The following CTNNA3 variants were observed in gnomAD, a reference collection of about 807,000 sequenced individuals.
The protein encoded by CTNNA3 is catenin alpha-3.
In CTNNA3, 76 loss-of-function variants were observed where a neutral mutation model predicts 95.7. The ratio of observed to expected loss-of-function variants is 0.79; its 90% CI spans 0.66 to 0.96. The LOEUF is 0.96. Among genes scored for constraint, CTNNA3 ranks in the 40% least tolerant of loss-of-function variants. CTNNA3 has a pLI of 0.00. For missense variants in CTNNA3, 1,191 were observed against 1,089.8 expected (o/e 1.09, Z -1.31); for synonymous variants, 431 against 374.4 (o/e 1.15, Z -1.74).
intron 7 of CTNNA3, among the ~76,000 whole-genome samples, chr10:67,001,111 G>T (rs1851658517): frequency 6.6e-6 from 1 of 151,666 alleles, no homozygotes; most frequent in African/African-American, 2.4e-5. Context: ...GACCATCCTG[G>T]CCAACATGAT....
At chr10:67,392,665 A>G (rs1269866162) in intron 5 of CTNNA3, among the ~76,000 whole-genome samples, 2 of 152,234 alleles carry the variant, frequency 1.3e-5, no homozygotes, top group Non-Finnish European at 2.9e-5. Context: ...CCAAATGTCC[A>G]TCAATGATAG....
intron 12 of CTNNA3, among the ~76,000 whole-genome samples, chr10:66,358,185 T>G (rs10740240): frequency 0.89 from 136,066 of 152,154 alleles, 61,221 homozygotes; most frequent in East Asian, 1. Context: ...AAAGTGGACT[T>G]CATTTTCAAA....
At chr10:65,976,972 T>C (rs1397448073) in intron 16 of CTNNA3, among the ~76,000 whole-genome samples, 2 of 152,172 alleles carry the variant, frequency 1.3e-5, no homozygotes, top group Non-Finnish European at 2.9e-5. Context: ...TCCTTAAATA[T>C]GTACAATTTT....
intron 10 of CTNNA3, among the ~76,000 whole-genome samples, chr10:66,557,422 CTGATA>C (rs1842425068): frequency 6.6e-6 from 1 of 152,094 alleles, no homozygotes; most frequent in African/African-American, 2.4e-5. Context: ...CATACATGCT[CTGATA>C]TGATAACACA....
At chr10:66,685,303 A>C (rs1847234733) in intron 9 of CTNNA3, among the ~76,000 whole-genome samples, 1 of 78,282 alleles carries the variant, frequency 1.3e-5, no homozygotes, top group African/African-American at 7.0e-5. Context: ...ATGTGTGTAT[A>C]TATATGTGTG....
At chr10:66,957,115 T>C (rs1273186691) in intron 7 of CTNNA3, among the ~76,000 whole-genome samples, 1 of 152,098 alleles carries the variant, frequency 6.6e-6, no homozygotes, top group Non-Finnish European at 1.5e-5. Flanking sequence ...CATCTCCTGA[T>C]GGGAAATAGA....
intron 9 of CTNNA3, among the ~76,000 whole-genome samples, chr10:66,757,531 T>C (rs960342219): frequency 2.6e-5 from 4 of 152,166 alleles, no homozygotes; most frequent in Non-Finnish European, 5.9e-5. Context: ...GCTAAGCAGT[T>C]ACTTAAGAGT....
intron 11 of CTNNA3, among the ~76,000 whole-genome samples, chr10:66,477,062 T>G (rs920020750): frequency 6.6e-6 from 1 of 152,174 alleles, no homozygotes; most frequent in Non-Finnish European, 1.5e-5. Context: ...GATAACTTTT[T>G]GTTGATTTTA....
At chr10:65,979,086 A>G in intron 16 of CTNNA3, among the ~76,000 whole-genome samples, 1 of 152,150 alleles carries the variant, frequency 6.6e-6, no homozygotes, top group East Asian at 1.9e-4. Flanking sequence ...TTTTACCAGA[A>G]GTTATATATG....
At chr10:66,636,752 A>T (rs1029888027) in intron 9 of CTNNA3, among the ~76,000 whole-genome samples, 1 of 152,302 alleles carries the variant, frequency 6.6e-6, no homozygotes, top group East Asian at 1.9e-4. Context: ...ACAAATATTT[A>T]TTATCTATCA....
chr10:66,226,367 C>T (rs1042185451), intron 13 of CTNNA3, among the ~76,000 whole-genome samples: 9 of 151,978 alleles, frequency 5.9e-5, no homozygotes, highest in East Asian at 1.9e-4. Context: ...GCTATACATA[C>T]GTGGATTTAT....
intron 13 of CTNNA3, among the ~76,000 whole-genome samples, chr10:66,104,846 A>G (rs7070570): frequency 0.26 from 40,129 of 152,138 alleles, 5,300 homozygotes; most frequent in East Asian, 0.31. Context: ...ACACACAGAC[A>G]TTCTGTTTAT....
chr10:66,144,831 G>A lies in CTNNA3; in HGVS notation c.1885-41582C>T, dbSNP rs2083798782. ...TAGGCAGGCATTAATGTCAGTTAAT[G>A]CTATATAAAATGACATATATGGAGA... is the stretch of plus-strand genomic sequence containing the variant. On this transcript the variant is annotated intron_variant, in intron 13 of 17. Transcript: ENST00000433211. 2.6e-5 allele frequency among the ~76,000 whole-genome samples: 4 copies of A among 152,058 alleles called. No individual in the cohort carries two copies. The South Asian group carries it at 8.3e-4, about 32-fold the overall frequency.
At chr10:67,333,158 A>C (rs188713814) in intron 5 of CTNNA3, among the ~76,000 whole-genome samples, 1 of 152,302 alleles carries the variant, frequency 6.6e-6, no homozygotes, top group East Asian at 1.9e-4. Flanking sequence ...TCAAGTATTC[A>C]TGGAATTAAA....
Position 67,272,628 on chromosome 10 carries a change from G to T in CTNNA3, c.580-52758C>A, listed in dbSNP as rs569297500. Reference sequence around the variant, plus strand: ...AAAGTTAATACTTTATTAATTCATTGTTGTGGAAACCAAACCATTTTAGCA... The same window carrying T: ...AAAGTTAATACTTTATTAATTCATTTTTGTGGAAACCAAACCATTTTAGCA... On this transcript the variant is annotated intron_variant, in intron 5 of 17. Coordinates refer to ENST00000433211, the MANE Select transcript of CTNNA3 (RefSeq NM_013266.4). 2.6e-4 allele frequency among the ~76,000 whole-genome samples: 39 copies of T among 152,248 alleles called. No homozygotes were observed. The South Asian group carries it at 8.1e-3, about 32-fold the overall frequency.
intron 11 of CTNNA3, among the ~76,000 whole-genome samples, chr10:66,401,518 A>ACAC (rs2093020795): frequency 6.9e-6 from 1 of 143,912 alleles, no homozygotes; most frequent in Non-Finnish European, 1.5e-5. Flanking sequence ...TGTGTCTCAA[A>ACAC]ACACACACAC....
intron 10 of CTNNA3, among the ~76,000 whole-genome samples, chr10:66,580,825 T>G (rs891973608): frequency 6.6e-6 from 1 of 151,734 alleles, no homozygotes; most frequent in African/African-American, 2.4e-5. Context: ...TGTATAATGG[T>G]GAAGTCTAGG....
Position 66,732,979 on chromosome 10 carries a change from A to G in CTNNA3, c.1281+33285T>C, listed in dbSNP as rs926422699. Among the ~76,000 whole-genome samples the G allele has an allele frequency of 3.3e-5, 5 of 151,968 alleles. No homozygotes were observed. In the East Asian group the frequency reaches 5.8e-4, roughly 18 times the overall value. On this transcript the variant is annotated intron_variant, in intron 9 of 17. Coordinates refer to ENST00000433211, the MANE Select transcript of CTNNA3 (RefSeq NM_013266.4). The stretch of plus-strand genomic sequence containing the variant: ...CCCAGCTGATTTTTGGATTTTTAGT[A>G]GAGACGAGGTTTCACCATGTTGAAC...
chr10:67,215,212 A>G (rs914183091), intron 6 of CTNNA3, among the ~76,000 whole-genome samples: 1 of 152,060 alleles, frequency 6.6e-6, no homozygotes, highest in East Asian at 1.9e-4. Context: ...TTTCATCATT[A>G]TATTTTTCAT....
Sources: gnomAD v4.1 joint callset for allele counts (sites outside exome capture counted in the v4.1 genomes callset) on GRCh38, gnomAD v4.1.1 for gene constraint, MANE v1.5 for transcripts, NCBI Gene and HGNC (gene_info 2026-07-23, HGNC 2026-07-21) for gene names.